Variants in RNF144A observed in about 807,000 individuals in gnomAD.
RNF144A encodes E3 ubiquitin-protein ligase RNF144A.
Under a neutral mutation model 38.7 loss-of-function variants are expected in RNF144A, and 11 were observed. That is an observed-to-expected ratio of 0.28 (90% confidence interval 0.18 to 0.47). The LOEUF (loss-of-function observed/expected upper bound fraction) is 0.47. Ranked by LOEUF, RNF144A falls within the 20% of genes least tolerant of loss-of-function variation. The pLI, the probability that RNF144A is intolerant of heterozygous loss-of-function variation, is 0.99. For missense variants in RNF144A, 316 were observed against 377.2 expected, an observed-to-expected ratio of 0.84 and a Z score of 1.34; for synonymous variants, 149 against 143.9, an observed-to-expected ratio of 1.04 and a Z score of -0.25.
chr2:6,992,894 C>A (rs1239024337), intron 2 of RNF144A, among the ~76,000 whole-genome samples: 1 of 152,234 alleles, frequency 6.6e-6, no homozygotes, highest in African/African-American at 2.4e-5. Flanking sequence ...GCCTTATGCA[C>A]ATTTTGAATT....
Position 7,035,166 on chromosome 2 carries a change from C to T in RNF144A, c.748-4463C>T, listed in dbSNP as rs139443168. On this transcript the variant is annotated intron_variant, in intron 8 of 8. Coordinates refer to ENST00000320892, the MANE Select transcript of RNF144A (RefSeq NM_014746.6). ...TCTCCACTCCTGTGTCTCTCTCTTG[C>T]CCTGTTTTGTTCCTTCTCCCTGTCA... 4.5e-3 allele frequency among the ~76,000 whole-genome samples: 689 copies of T among 152,252 alleles called. 3 individuals carry two copies. Among genetic ancestry groups the T allele is most frequent in the Middle Eastern group, 0.014 (4 of 294 alleles).
chr2:6,936,371 G>A (rs1016371792), intron 1 of RNF144A, among the ~76,000 whole-genome samples: 5 of 152,086 alleles, frequency 3.3e-5, no homozygotes, highest in Middle Eastern at 3.4e-3. Context: ...ATATACACAC[G>A]TATACACATA....
chr2:6,930,002 C>T (rs1322385027), intron 1 of RNF144A, among the ~76,000 whole-genome samples: 2 of 152,118 alleles, frequency 1.3e-5, no homozygotes, highest in Non-Finnish European at 2.9e-5. Flanking sequence ...GAAAGGATGG[C>T]GTAAGGAAAG....
intron 2 of RNF144A, among the ~76,000 whole-genome samples, chr2:6,989,274 C>G (rs1390728429): frequency 6.6e-6 from 1 of 150,788 alleles, no homozygotes; most frequent in Non-Finnish European, 1.5e-5. Flanking sequence ...GAGGCCAACT[C>G]TATTCCATGA....
chr2:6,978,540 G>GA (rs1668444210), intron 2 of RNF144A: 1 of 152,430 alleles, frequency 6.6e-6, no homozygotes, highest in African/African-American at 2.4e-5. Context: ...TTCCCAGCAG[G>GA]AACGTTCCCC....
In RNF144A at chr2:7,010,399, G is replaced by A. The variant is rs898848670; in HGVS notation, c.136-4055G>A. Among the ~76,000 whole-genome samples the A allele has an allele frequency of 3.3e-5, 5 of 152,202 alleles. No individual in the cohort carries two copies. In the South Asian group the frequency reaches 8.3e-4, roughly 25 times the overall value. On this transcript the variant is annotated intron_variant, in intron 3 of 8. Transcript: ENST00000320892. ...TTGGACCTGCCTGCGTGTAATGTTT[G>A]TGTTAATAAATCGTGGATCCCAGAT...
chr2:6,923,646 C>G (rs1664683079), intron 1 of RNF144A, among the ~76,000 whole-genome samples: 1 of 152,204 alleles, frequency 6.6e-6, no homozygotes, highest in Non-Finnish European at 1.5e-5. Context: ...ACTGGCATTG[C>G]ACAGATGAGA....
In RNF144A at chr2:7,041,050, G is replaced by C. The variant is rs1673015041; in HGVS notation, c.*1290G>C. On this transcript the variant is annotated 3_prime_UTR_variant, in exon 9 of 9. Transcript: ENST00000320892. ...AAGTGGAGAAAGTGTATTCTTTAAA[G>C]AGAATTTACTTCTAAAAGCCACAGG... is the stretch of plus-strand genomic sequence containing the variant. The C allele has an allele frequency of 1.0e-6, 1 of 985,342 alleles. No individual in the cohort carries two copies. The highest frequency in any genetic ancestry group is 1.2e-6 in the Non-Finnish European group (1 of 829,878). 61.0% of individuals were successfully genotyped at this position (985,342 alleles called of 1,614,324 possible).
At chr2:6,952,554 T>A (rs2103315948) in intron 2 of RNF144A, among the ~76,000 whole-genome samples, 2 of 151,154 alleles carry the variant, frequency 1.3e-5, no homozygotes, top group Admixed American at 1.3e-4. Context: ...TAAAATTATT[T>A]GCACTCATTT....
intron 5 of RNF144A, among the ~76,000 whole-genome samples, chr2:7,015,345 G>A (rs1189096713): frequency 2.0e-5 from 3 of 152,138 alleles, no homozygotes; most frequent in African/African-American, 7.2e-5. Context: ...TCTAATAAAC[G>A]GATCCCCAGA....
At chr2:6,972,257 T>A (rs1668043507) in intron 2 of RNF144A, among the ~76,000 whole-genome samples, 1 of 152,196 alleles carries the variant, frequency 6.6e-6, no homozygotes, top group Non-Finnish European at 1.5e-5. Flanking sequence ...GCCAGGCAGG[T>A]CTGCAGCAAG....
rs1055040047 is a variant in RNF144A, at chr2:7,042,574, C to T, written c.*2814C>T. 8.1e-6 allele frequency: 8 copies of T among 985,456 alleles called. No individual in the cohort carries two copies. Among genetic ancestry groups the T allele is most frequent in the Non-Finnish European group, 9.6e-6 (8 of 830,028 alleles). The allele number at this position is 985,456 out of a possible 1,614,324, so 61.0% of individuals were successfully genotyped here. On this transcript the variant is annotated 3_prime_UTR_variant, in exon 9 of 9. Transcript: ENST00000320892. ...TTAGCCCAGTGGACCTGTGGCTTCT[C>T]TGAGGCCCTTGAGTAACTGACCACA...
At chr2:7,008,353 C>T (rs1670583314) in intron 3 of RNF144A, among the ~76,000 whole-genome samples, 1 of 152,234 alleles carries the variant, frequency 6.6e-6, no homozygotes, top group Non-Finnish European at 1.5e-5. Flanking sequence ...AGGTTGTGCC[C>T]AGTCCCTTAC....
At chr2:7,075,613 G>A in the RNF144A span, among the ~76,000 whole-genome samples, 12 of 152,232 alleles carry the variant, frequency 7.9e-5, no homozygotes, top group South Asian at 6.2e-4. Flanking sequence ...GCCTCCTGCC[G>A]TGTCATGACA....
intron 2 of RNF144A, among the ~76,000 whole-genome samples, chr2:6,995,143 C>T (rs1343097819): frequency 1.3e-5 from 2 of 152,130 alleles, no homozygotes; most frequent in Non-Finnish European, 2.9e-5. Flanking sequence ...GTTTTCCTAA[C>T]TAAATATTAG....
chr2:7,072,627 T>G (rs2103486969), downstream of RNF144A, among the ~76,000 whole-genome samples: 1 of 152,340 alleles, frequency 6.6e-6, no homozygotes, highest in East Asian at 1.9e-4. Flanking sequence ...CCACAGAATA[T>G]TACTGATTTA....
At chr2:6,955,377 G>T (rs966418127) in intron 2 of RNF144A, among the ~76,000 whole-genome samples, 1 of 152,112 alleles carries the variant, frequency 6.6e-6, no homozygotes, top group African/African-American at 2.4e-5. Context: ...GTTCCCCTCT[G>T]TGAAACCCAC....
chr2:6,964,072 A>C (rs771321), intron 2 of RNF144A, among the ~76,000 whole-genome samples: 47 of 152,286 alleles, frequency 3.1e-4, no homozygotes, highest in African/African-American at 1.0e-3. Context: ...GGAAAAAAAA[A>C]CAAAAAACAG....
At chr2:6,988,745 T>G (rs1669116658) in intron 2 of RNF144A, among the ~76,000 whole-genome samples, 1 of 152,162 alleles carries the variant, frequency 6.6e-6, no homozygotes, top group East Asian at 1.9e-4. Flanking sequence ...GAAGTCATTC[T>G]CTACAGCCCA....
Sources: gnomAD v4.1 joint callset for allele counts (sites outside exome capture counted in the v4.1 genomes callset) on GRCh38, gnomAD v4.1.1 for gene constraint, MANE v1.5 for transcripts, NCBI Gene and HGNC (gene_info 2026-07-23, HGNC 2026-07-21) for gene names.